Variants in NSMCE2 observed in about 807,000 individuals in gnomAD.
The protein encoded by NSMCE2 is NSE2 SUMO ligase component of SMC5/6 complex.
Under a neutral mutation model 23.8 loss-of-function variants are expected in NSMCE2, and 24 were observed. The ratio of observed to expected loss-of-function variants is 1.01; its 90% confidence interval spans 0.73 to 1.42. NSMCE2 has a LOEUF of 1.42. Ranked by LOEUF, NSMCE2 falls within the 40% of genes most tolerant of loss-of-function variation. The pLI is 0.00. For missense variants in NSMCE2, 284 were observed against 296.5 expected, an observed-to-expected ratio of 0.96 and a Z score of 0.31; for synonymous variants, 92 against 94.1, an observed-to-expected ratio of 0.98 and a Z score of 0.13.
chr8:125,306,948 A>G (rs774903026), intron 5 of NSMCE2, among the ~76,000 whole-genome samples: 1 of 152,270 alleles, frequency 6.6e-6, no homozygotes, highest in Non-Finnish European at 1.5e-5. Context: ...CTAGAACTGT[A>G]CATGGCATAT....
chr8:125,143,717 G>A (rs1388706704), intron 3 of NSMCE2, among the ~76,000 whole-genome samples: 1 of 152,182 alleles, frequency 6.6e-6, no homozygotes, highest in African/African-American at 2.4e-5. Context: ...CCAAATTTCA[G>A]GAAACAGCTT....
chr8:125,340,828 C>T (rs568430623), intron 5 of NSMCE2, among the ~76,000 whole-genome samples: 10 of 152,298 alleles, frequency 6.6e-5, no homozygotes. Flanking sequence ...AAGGTCTTTC[C>T]AACAATTAAA....
chr8:125,313,188 AAG>A (rs1209214914), intron 5 of NSMCE2, among the ~76,000 whole-genome samples: 8 of 148,766 alleles, frequency 5.4e-5, no homozygotes, highest in Non-Finnish European at 3.0e-5. Flanking sequence ...AGGAAGGAGA[AAG>A]AAAGAGAGAG....
intron 7 of NSMCE2, among the ~76,000 whole-genome samples, chr8:125,358,711 G>T (rs1183082545): frequency 2.0e-5 from 3 of 152,134 alleles, no homozygotes; most frequent in Non-Finnish European, 4.4e-5. Context: ...TCTGATAACA[G>T]TCCCTTTGAT....
intron 3 of NSMCE2, among the ~76,000 whole-genome samples, chr8:125,138,827 T>TGA (rs1416678759): frequency 2.0e-5 from 3 of 152,130 alleles, no homozygotes; most frequent in Non-Finnish European, 4.4e-5. Flanking sequence ...AGACTTTCTG[T>TGA]TTGACCCAGG....
rs111270316 is a variant in NSMCE2 at position 125,118,364 on chromosome 8, G to A, written c.157+15877G>A. Among the ~76,000 whole-genome samples the A allele has an allele frequency of 1.2e-3, 184 of 151,962 alleles. 2 individuals carry two copies. The highest frequency in any genetic ancestry group is 4.2e-3 in the African/African-American group (172 of 41,250). On this transcript the variant is annotated intron_variant, in intron 3 of 7. Coordinates refer to ENST00000287437, the MANE Select transcript of NSMCE2 (RefSeq NM_173685.4). ...CCACCGCACTCCAGCCTGGGTGACA[G>A]AGTGAGACTGTCTTAAAAACAAACA...
Position 125,203,051 on chromosome 8 carries a change from T to C in NSMCE2, c.418+20795T>C, listed in dbSNP as rs143162302. Reference sequence around the variant, plus strand: ...CTGATGAAAACATGAATATTTGTTATAAGCAAATGAAATGGAGCTGCAGCT... The same window carrying C: ...CTGATGAAAACATGAATATTTGTTACAAGCAAATGAAATGGAGCTGCAGCT... On this transcript the variant is annotated intron_variant, in intron 5 of 7. Transcript: ENST00000287437. Among the ~76,000 whole-genome samples the C allele has an allele frequency of 2.6e-4, 40 of 152,330 alleles. 1 individual carries two copies. The East Asian group carries it at 7.3e-3, about 28-fold the overall frequency.
At chr8:125,249,887 T>G (rs1826132890) in intron 5 of NSMCE2, among the ~76,000 whole-genome samples, 1 of 152,228 alleles carries the variant, frequency 6.6e-6, no homozygotes, top group Non-Finnish European at 1.5e-5. Flanking sequence ...TGGTGTGAAC[T>G]TTTGAAAACA....
intron 3 of NSMCE2, among the ~76,000 whole-genome samples, chr8:125,108,427 C>A (rs553925923): frequency 6.6e-6 from 1 of 152,320 alleles, no homozygotes; most frequent in East Asian, 1.9e-4. Flanking sequence ...CTAAGGCAGC[C>A]AGTATCAGCA....
intron 5 of NSMCE2, among the ~76,000 whole-genome samples, chr8:125,285,755 C>T (rs55792228): frequency 0.36 from 21,757 of 59,922 alleles, 1,662 homozygotes; most frequent in South Asian, 0.48. Flanking sequence ...TTCATACACA[C>T]GCACACACAC....
In NSMCE2 at chr8:125,102,316, G is replaced by A. The variant is rs372208705; in HGVS notation, c.-14-1G>A. On this transcript the variant is annotated splice_acceptor_variant, in intron 2 of 7. Coordinates refer to ENST00000287437, the MANE Select transcript of NSMCE2 (RefSeq NM_173685.4). LOFTEE classifies it low-confidence loss of function (5UTR_SPLICE). ...TTGTTTCATTGTGTTTGAAAACTTA[G>A]GTACTAATTTCAAGATGCCAGGACG... 6.2e-7 allele frequency: 1 copy of A among 1,605,448 alleles called. No homozygotes were observed. Among genetic ancestry groups the A allele is most frequent in the Non-Finnish European group, 8.5e-7 (1 of 1,173,278 alleles).
intron 3 of NSMCE2, among the ~76,000 whole-genome samples, chr8:125,115,279 C>T (rs924478429): frequency 2.4e-4 from 36 of 152,156 alleles, no homozygotes; most frequent in African/African-American, 8.7e-4. Context: ...GTTACCAGCA[C>T]CCCCCTGGGC....
At chr8:125,223,091 C>T (rs1267056950) in intron 5 of NSMCE2, among the ~76,000 whole-genome samples, 1 of 150,164 alleles carries the variant, frequency 6.7e-6, no homozygotes, top group Non-Finnish European at 1.5e-5. Flanking sequence ...ATAAAATAAG[C>T]ACGGTGGCTC....
chr8:125,218,588 T>A (rs1223835549), intron 5 of NSMCE2, among the ~76,000 whole-genome samples: 2 of 152,038 alleles, frequency 1.3e-5, no homozygotes, highest in African/African-American at 4.8e-5. Context: ...ATTTTTGTAT[T>A]TTTAGTAGAC....
intron 4 of NSMCE2, among the ~76,000 whole-genome samples, chr8:125,172,239 A>G (rs1489287587): frequency 6.6e-6 from 1 of 152,182 alleles, no homozygotes. Flanking sequence ...CAAGAATTAA[A>G]GTCTTACAGG....
At chr8:125,190,146 A>T (rs1823284249) in intron 5 of NSMCE2, among the ~76,000 whole-genome samples, 1 of 152,018 alleles carries the variant, frequency 6.6e-6, no homozygotes, top group Non-Finnish European at 1.5e-5. Flanking sequence ...CCCTACACAA[A>T]TTTTTTATTC....
intron 5 of NSMCE2, among the ~76,000 whole-genome samples, chr8:125,356,241 G>T (rs1028983857): frequency 4.0e-5 from 6 of 151,848 alleles, no homozygotes; most frequent in Non-Finnish European, 8.8e-5. Context: ...TGTATGGGGG[G>T]GGGTGTTCTG....
chr8:125,365,423 C>T (rs556694505), intron 7 of NSMCE2, among the ~76,000 whole-genome samples: 11 of 152,208 alleles, frequency 7.2e-5, no homozygotes, highest in Non-Finnish European at 1.0e-4. Flanking sequence ...GCAGGATCCC[C>T]CATGCTATTT....
chr8:125,125,498 A>C (rs1819474049), intron 3 of NSMCE2, among the ~76,000 whole-genome samples: 1 of 152,228 alleles, frequency 6.6e-6, no homozygotes, highest in Admixed American at 6.5e-5. Context: ...AAAGCTGTGA[A>C]GGTGCTGTGA....
Sources: allele counts gnomAD v4.1 joint callset (sites outside exome capture counted in the v4.1 genomes callset), GRCh38; gene constraint gnomAD v4.1.1; transcripts MANE v1.5; gene names NCBI Gene and HGNC (gene_info 2026-07-23, HGNC 2026-07-21).